RBM27: variants seen among roughly 807,000 people sequenced by gnomAD.
The protein encoded by RBM27 is RNA-binding protein 27.
A neutral mutation model predicts 135.3 loss-of-function variants in RBM27; 22 were observed. The ratio of observed to expected loss-of-function variants is 0.16; its 90% CI spans 0.12 to 0.23. The LOEUF (loss-of-function observed/expected upper bound fraction) is 0.23. Among genes scored for constraint, RBM27 ranks in the 10% least tolerant of loss-of-function variants. RBM27 has a pLI of 1.00. For missense variants in RBM27, 1,009 were observed against 1,281.0 expected, an observed-to-expected ratio of 0.79 and a Z score of 3.24; for synonymous variants, 481 against 442.4, an observed-to-expected ratio of 1.09 and a Z score of -1.10.
intron 14 of RBM27, among the ~76,000 whole-genome samples, chr5:146,265,201 C>G (rs1758564343): frequency 6.6e-6 from 1 of 152,048 alleles, no homozygotes; most frequent in Admixed American, 6.5e-5. Flanking sequence ...CCCAAATACC[C>G]ATCTGTAGGG....
At chr5:146,261,026 A>G (rs1050163507) in intron 12 of RBM27, 128 bp downstream of exon 12, 18 of 880,210 alleles carry the variant, frequency 2.0e-5, no homozygotes, top group Non-Finnish European at 2.8e-5. Context: ...TGTAAATGCC[A>G]CCATATATCT....
intron 9 of RBM27, among the ~76,000 whole-genome samples, chr5:146,252,375 T>G (rs747237070): frequency 1.3e-5 from 2 of 152,194 alleles, no homozygotes; most frequent in Non-Finnish European, 2.9e-5. Flanking sequence ...GTGGAATGCT[T>G]TGTGGGTGTT....
At chr5:146,276,701 C>T (rs1386394851) in intron 19 of RBM27, among the ~76,000 whole-genome samples, 3 of 152,130 alleles carry the variant, frequency 2.0e-5, no homozygotes, top group Admixed American at 1.3e-4. Flanking sequence ...GTGTATTTAA[C>T]ATTTGGAGAA....
chr5:146,280,292 G>A (rs1028677618), intron 19 of RBM27, among the ~76,000 whole-genome samples: 5 of 152,092 alleles, frequency 3.3e-5, no homozygotes, highest in African/African-American at 1.2e-4. Context: ...CCTGAACTCA[G>A]GTGATCTACC....
intron 1 of RBM27, among the ~76,000 whole-genome samples, chr5:146,213,828 T>G (rs1346237936): frequency 2.0e-5 from 3 of 152,244 alleles, no homozygotes; most frequent in Non-Finnish European, 4.4e-5. Context: ...AGGGCAATGT[T>G]TCTATTAGCT....
At chr5:146,211,094 G>A (rs772517648) in intron 1 of RBM27, among the ~76,000 whole-genome samples, 10 of 151,952 alleles carry the variant, frequency 6.6e-5, no homozygotes, top group East Asian at 1.9e-4. Flanking sequence ...ACAATGGGGC[G>A]AAACTCTGCC....
chr5:146,286,118 A>C lies in RBM27; in HGVS notation c.*88A>C, dbSNP rs1000929247. 1 of 1,266,652 alleles carries C rather than the reference A, an allele frequency of 7.9e-7. No homozygotes were observed. Among genetic ancestry groups the C allele is most frequent in the African/African-American group, 1.5e-5 (1 of 65,028 alleles). 78.5% of individuals were successfully genotyped at this position (1,266,652 alleles called of 1,614,324 possible). On this transcript the variant is annotated 3_prime_UTR_variant, in exon 21 of 21. Transcript: ENST00000265271. The stretch of plus-strand genomic sequence containing the variant: ...TTTAAAAGAAGTCAATGAGCCAAAA[A>C]AAATTTTTTTATTTTTCTTTTCAAC...
intron 1 of RBM27, among the ~76,000 whole-genome samples, chr5:146,207,537 A>G (rs763318998): frequency 4.6e-5 from 7 of 150,620 alleles, no homozygotes; most frequent in South Asian, 4.2e-4. Context: ...TTTCTATTAC[A>G]TTTTCTTATT....
At chr5:146,238,371 T>TG (rs2126778903) in intron 8 of RBM27, among the ~76,000 whole-genome samples, 1 of 152,166 alleles carries the variant, frequency 6.6e-6, no homozygotes, top group African/African-American at 2.4e-5. Flanking sequence ...AGCTGGGCGT[T>TG]GTGGAGCATG....
chr5:146,238,835 A>G (rs910431679), intron 8 of RBM27, among the ~76,000 whole-genome samples: 2 of 152,258 alleles, frequency 1.3e-5, no homozygotes, highest in East Asian at 1.9e-4. Flanking sequence ...TTTATCATTT[A>G]CTATCTTTGT....
At chr5:146,268,479 TGA>T (rs1237028811) in intron 15 of RBM27, among the ~76,000 whole-genome samples, 1 of 152,134 alleles carries the variant, frequency 6.6e-6, no homozygotes, top group Non-Finnish European at 1.5e-5. Flanking sequence ...CAACCTCAGG[TGA>T]TCCACCTGCC....
intron 11 of RBM27, 70 bp from the exon 12 acceptor site, chr5:146,260,675 T>C: frequency 7.4e-7 from 1 of 1,342,478 alleles, no homozygotes; most frequent in South Asian, 1.6e-5. Context: ...ACCTAAATTC[T>C]TTGTGGTTAT....
rs1282034315 is a variant in RBM27 at position 146,270,904 on chromosome 5, A to G, written c.2692-50A>G. On this transcript the variant is annotated intron_variant, in intron 17 of 20. Transcript: ENST00000265271. Reference sequence around the variant, plus strand: ...GTGTAACTATCATGTTCTGGAGGAGATCTTGTAAGTTATCTAAAAAATACC... The same window carrying G: ...GTGTAACTATCATGTTCTGGAGGAGGTCTTGTAAGTTATCTAAAAAATACC... 8 of 1,169,774 alleles carry G rather than the reference A, an allele frequency of 6.8e-6. No homozygotes were observed. The South Asian group carries it at 1.0e-4, about 15-fold the overall frequency. The allele number at this position is 1,169,774 out of a possible 1,614,324, so 72.5% of individuals were successfully genotyped here.
chr5:146,273,699 A>C (rs1457360346), intron 19 of RBM27, among the ~76,000 whole-genome samples: 2 of 152,220 alleles, frequency 1.3e-5, no homozygotes, highest in Non-Finnish European at 2.9e-5. Context: ...TGTATCTCAC[A>C]GAGGCCAAGG....
intron 2 of RBM27, 138 bp downstream of exon 2, chr5:146,219,241 ACTTAAT>A: frequency 1.8e-6 from 1 of 545,676 alleles, no homozygotes; most frequent in Non-Finnish European, 3.2e-6. Flanking sequence ...ACCCATTCAT[ACTTAAT>A]TATTTATCAT....
At chr5:146,237,470 T>G (rs1488043859) in intron 8 of RBM27, 38 bp downstream of exon 8, 1 of 1,602,344 alleles carries the variant, frequency 6.2e-7, no homozygotes, top group Non-Finnish European at 8.5e-7. Flanking sequence ...TGACAGGGTA[T>G]AGAAAAGCCA....
intron 3 of RBM27, among the ~76,000 whole-genome samples, chr5:146,226,988 T>G (rs1043968880): frequency 6.6e-6 from 1 of 152,208 alleles, no homozygotes; most frequent in African/African-American, 2.4e-5. Flanking sequence ...CTTTGGCTAA[T>G]TGTCTTTTTC....
Position 146,257,936 on chromosome 5 carries a change from C to T in RBM27, c.1595-513C>T, listed in dbSNP as rs1489905092. ...GGTTCAAGCGATTCTCCTGCCTCAG[C>T]CTCCCGAGTAGCTGGGATTACAGGC... is the stretch of plus-strand genomic sequence containing the variant. On this transcript the variant is annotated intron_variant, in intron 10 of 20. Coordinates refer to ENST00000265271, the MANE Select transcript of RBM27 (RefSeq NM_018989.2). Among the ~76,000 whole-genome samples, 4 of 152,264 alleles carry T rather than the reference C, an allele frequency of 2.6e-5. No individual in the cohort carries two copies. The East Asian group carries it at 7.7e-4, about 29-fold the overall frequency.
intron 10 of RBM27, among the ~76,000 whole-genome samples, chr5:146,255,293 C>T (rs1380737923): frequency 6.6e-6 from 1 of 151,996 alleles, no homozygotes; most frequent in African/African-American, 2.4e-5. Flanking sequence ...TATAGTTAGG[C>T]TATATTTGTT....
Sources: gnomAD v4.1 joint callset for allele counts (sites outside exome capture counted in the v4.1 genomes callset) on GRCh38, gnomAD v4.1.1 for gene constraint, MANE v1.5 for transcripts, NCBI Gene and HGNC (gene_info 2026-07-23, HGNC 2026-07-21) for gene names.